PTPRT: variants seen among roughly 807,000 people sequenced by gnomAD.
PTPRT encodes the protein receptor-type tyrosine-protein phosphatase T.
PTPRT carries 56 observed loss-of-function variants against 176.8 expected under a neutral mutation model. That is an observed-to-expected ratio of 0.32 (90% CI 0.26 to 0.40). The LOEUF is 0.40. Ranked by LOEUF, PTPRT falls within the 10% of genes least tolerant of loss-of-function variation. PTPRT has a pLI of 1.00. For missense variants in PTPRT, 1,540 were observed against 1,908.2 expected, an observed-to-expected ratio of 0.81 and a Z score of 3.60; for synonymous variants, 783 against 739.0, an observed-to-expected ratio of 1.06 and a Z score of -0.96.
chr20:42,686,771 C>T (rs1184117529), intron 6 of PTPRT, among the ~76,000 whole-genome samples: 3 of 151,808 alleles, frequency 2.0e-5, no homozygotes, highest in Admixed American at 6.6e-5. Flanking sequence ...GGATTACAGG[C>T]GTGAGCCACC....
At chr20:42,402,272 A>T (rs1025243498) in intron 9 of PTPRT, among the ~76,000 whole-genome samples, 7 of 151,984 alleles carry the variant, frequency 4.6e-5, no homozygotes, top group Non-Finnish European at 1.5e-5. Flanking sequence ...CTTTCCAGCA[A>T]ATTGTCCTCT....
intron 2 of PTPRT, among the ~76,000 whole-genome samples, chr20:42,793,995 G>T (rs1242273539): frequency 6.6e-6 from 1 of 152,122 alleles, no homozygotes; most frequent in Non-Finnish European, 1.5e-5. Context: ...CACGCCACGG[G>T]CTCATGTACC....
intron 2 of PTPRT, among the ~76,000 whole-genome samples, chr20:42,860,565 T>C (rs551966772): frequency 2.6e-5 from 4 of 152,366 alleles, no homozygotes; most frequent in East Asian, 1.9e-4. Flanking sequence ...TTTTGCTTTA[T>C]AGATTCCTTC....
intron 18 of PTPRT, among the ~76,000 whole-genome samples, chr20:42,136,870 C>T (rs1354161439): frequency 1.3e-5 from 2 of 152,226 alleles, no homozygotes; most frequent in African/African-American, 4.8e-5. Flanking sequence ...CAGCAAGTTG[C>T]CATTGTAGCA....
chr20:42,732,657 T>A (rs1419459338), intron 6 of PTPRT, among the ~76,000 whole-genome samples: 1 of 152,180 alleles, frequency 6.6e-6, no homozygotes, highest in Non-Finnish European at 1.5e-5. Flanking sequence ...GCTTAGAGGT[T>A]TGGCAAGTTT....
chr20:42,616,111 T>C (rs1339683568), intron 7 of PTPRT, among the ~76,000 whole-genome samples: 1 of 129,110 alleles, frequency 7.7e-6, no homozygotes, highest in East Asian at 2.0e-4. Context: ...AATTGATTTT[T>C]GTATAAGGCA....
chr20:42,640,694 G>A (rs531353340), intron 7 of PTPRT, among the ~76,000 whole-genome samples: 16 of 152,196 alleles, frequency 1.1e-4, no homozygotes, highest in African/African-American at 3.6e-4. Context: ...ATCAACACAA[G>A]TATTGAAAAT....
chr20:42,357,787 G>A (rs559235674), intron 9 of PTPRT, among the ~76,000 whole-genome samples: 22 of 152,228 alleles, frequency 1.4e-4, no homozygotes, highest in Middle Eastern at 3.4e-3. Flanking sequence ...GGTGATGCAC[G>A]CCTGTAGTCC....
At chr20:43,003,140 G>A (rs1391750752) in intron 1 of PTPRT, among the ~76,000 whole-genome samples, 1 of 152,028 alleles carries the variant, frequency 6.6e-6, no homozygotes, top group Non-Finnish European at 1.5e-5. Context: ...AAAGAGCACT[G>A]GATCCAATCA....
Position 42,764,914 on chromosome 20 carries a change from C to T in PTPRT, c.684+6521G>A, listed in dbSNP as rs918557146. Among the ~76,000 whole-genome samples the T allele has an allele frequency of 3.3e-5, 5 of 152,066 alleles. No individual in the cohort carries two copies. The South Asian group carries it at 6.2e-4, about 19-fold the overall frequency. On this transcript the variant is annotated intron_variant, in intron 5 of 30. Transcript: ENST00000373187. The stretch of plus-strand genomic sequence containing the variant: ...AGGTAGGTAGGAGGAGGAGCTGGTC[C>T]CCAGAACACTCACAGCCTCAGAGGC...
intron 1 of PTPRT, among the ~76,000 whole-genome samples, chr20:42,975,838 G>A (rs1194186142): frequency 1.3e-5 from 2 of 151,560 alleles, no homozygotes; most frequent in Non-Finnish European, 2.9e-5. Context: ...AAACCTGCAT[G>A]TTCTGCACAT....
At chr20:42,567,732 C>A (rs1339350285) in intron 7 of PTPRT, among the ~76,000 whole-genome samples, 1 of 152,178 alleles carries the variant, frequency 6.6e-6, no homozygotes, top group African/African-American at 2.4e-5. Flanking sequence ...AAGCACTGCA[C>A]AGATGTAGGG....
intron 13 of PTPRT, among the ~76,000 whole-genome samples, chr20:42,276,558 T>TATATATATA (rs1568731969): frequency 6.6e-5 from 6 of 91,278 alleles, no homozygotes; most frequent in Non-Finnish European, 1.4e-4. Context: ...TATATATATA[T>TATATATATA]AATGTTCTTG....
chr20:42,733,866 G>A (rs73907254), intron 6 of PTPRT, among the ~76,000 whole-genome samples: 3,374 of 152,304 alleles, frequency 0.022, 134 homozygotes, highest in African/African-American at 0.077. Context: ...TGTACTGGGA[G>A]TAGGGAGGAA....
chr20:42,675,445 C>G (rs1012978634), intron 7 of PTPRT, among the ~76,000 whole-genome samples: 1 of 152,052 alleles, frequency 6.6e-6, no homozygotes, highest in Admixed American at 6.6e-5. Context: ...GTGCATGAAC[C>G]AAGTTTTTGT....
intron 1 of PTPRT, among the ~76,000 whole-genome samples, chr20:42,983,946 C>T (rs768861585): frequency 1.3e-5 from 2 of 152,196 alleles, no homozygotes; most frequent in Non-Finnish European, 2.9e-5. Flanking sequence ...CAGACAACTC[C>T]ACTTTGGTCT....
chr20:42,722,849 C>A (rs2076323471), intron 6 of PTPRT, among the ~76,000 whole-genome samples: 1 of 152,128 alleles, frequency 6.6e-6, no homozygotes, highest in African/African-American at 2.4e-5. Flanking sequence ...TGCACAACAC[C>A]CCAGAAATGA....
intron 7 of PTPRT, among the ~76,000 whole-genome samples, chr20:42,677,417 C>T (rs2075523870): frequency 6.6e-6 from 1 of 152,036 alleles, no homozygotes; most frequent in Admixed American, 6.6e-5. Context: ...GAGCCAGGAG[C>T]CCTCAGAGAA....
At chr20:42,850,777 G>A (rs2078454859) in intron 2 of PTPRT, among the ~76,000 whole-genome samples, 1 of 152,120 alleles carries the variant, frequency 6.6e-6, no homozygotes, top group Admixed American at 6.6e-5. Context: ...TATTTTCCTG[G>A]AGCTCACTTT....
Sources: allele counts gnomAD v4.1 joint callset (sites outside exome capture counted in the v4.1 genomes callset), GRCh38; gene constraint gnomAD v4.1.1; transcripts MANE v1.5; gene names NCBI Gene and HGNC (gene_info 2026-07-23, HGNC 2026-07-21).